Variants in MICU2 observed in about 807,000 individuals in gnomAD.
The protein encoded by MICU2 is calcium uptake protein 2, mitochondrial.
In MICU2, 64 loss-of-function variants were observed where a neutral mutation model predicts 60.4. The ratio of observed to expected loss-of-function variants is 1.06; its 90% confidence interval spans 0.87 to 1.31. MICU2 has a LOEUF of 1.31. Among genes scored for constraint, MICU2 ranks in the 50% most tolerant of loss-of-function variants. MICU2 has a pLI of 0.00. For synonymous variants in MICU2, 201 were observed against 175.0 expected (o/e 1.15, Z -1.17); for missense variants, 569 against 531.0 (o/e 1.07, Z -0.70).
chr13:21,524,383 C>T (rs967315801), intron 4 of MICU2, among the ~76,000 whole-genome samples: 1 of 152,062 alleles, frequency 6.6e-6, no homozygotes, highest in Non-Finnish European at 1.5e-5. Context: ...CCCACATATA[C>T]ATATCATTTC....
At chr13:21,526,884 A>G (rs953110702) in intron 4 of MICU2, among the ~76,000 whole-genome samples, 3 of 152,146 alleles carry the variant, frequency 2.0e-5, no homozygotes, top group African/African-American at 7.2e-5. Context: ...GTGGGAATGT[A>G]TTTACCCTTC....
chr13:21,546,514 A>G (rs988503559), intron 2 of MICU2, among the ~76,000 whole-genome samples: 25 of 152,184 alleles, frequency 1.6e-4, no homozygotes, highest in Non-Finnish European at 3.4e-4. Context: ...AGTGAGGTTA[A>G]AAGTATTACA....
chr13:21,507,893 C>T (rs984228910), intron 8 of MICU2, among the ~76,000 whole-genome samples: 22 of 151,986 alleles, frequency 1.4e-4, no homozygotes, highest in African/African-American at 4.3e-4. Context: ...TGAGCCACCG[C>T]GCCCGGCCAG....
intron 4 of MICU2, among the ~76,000 whole-genome samples, chr13:21,537,464 T>A (rs948725973): frequency 1.1e-5 from 1 of 91,928 alleles, no homozygotes; most frequent in Non-Finnish European, 2.0e-5. Flanking sequence ...ACATTTTCTT[T>A]CTTTCTTTTT....
At chr13:21,509,941 TC>T in intron 8 of MICU2, 62 bp downstream of exon 8, 1 of 906,270 alleles carries the variant, frequency 1.1e-6, no homozygotes, top group South Asian at 1.8e-5. Context: ...ATGAATATAT[TC>T]TGTTTCTCTT....
At chr13:21,521,660 T>G (rs1044323461) in intron 5 of MICU2, among the ~76,000 whole-genome samples, 11 of 152,244 alleles carry the variant, frequency 7.2e-5, no homozygotes, top group African/African-American at 2.7e-4. Flanking sequence ...ATTTTCAAAT[T>G]AATGATTACT....
intron 1 of MICU2, among the ~76,000 whole-genome samples, chr13:21,593,392 T>C (rs1239635329): frequency 2.0e-5 from 3 of 151,994 alleles, no homozygotes; most frequent in South Asian, 4.1e-4. Context: ...AAACATTCCT[T>C]GCTCATGGAT....
intron 2 of MICU2, among the ~76,000 whole-genome samples, chr13:21,564,282 G>T (rs1887922113): frequency 1.3e-5 from 2 of 152,188 alleles, no homozygotes; most frequent in South Asian, 4.1e-4. Context: ...AGGTAGATTG[G>T]CCTTTTATGT....
intron 4 of MICU2, among the ~76,000 whole-genome samples, chr13:21,538,324 C>T (rs1887184560): frequency 6.6e-6 from 1 of 151,744 alleles, no homozygotes; most frequent in Admixed American, 6.6e-5. Flanking sequence ...AATCCCATTA[C>T]TTTCAATGGC....
At chr13:21,554,538 T>C (rs923388456) in intron 2 of MICU2, among the ~76,000 whole-genome samples, 1 of 151,884 alleles carries the variant, frequency 6.6e-6, no homozygotes, top group Non-Finnish European at 1.5e-5. Context: ...AAGCAGTGTG[T>C]AGAGGGAAAT....
At chr13:21,513,024 C>G (rs1403098486) in intron 7 of MICU2, among the ~76,000 whole-genome samples, 2 of 151,844 alleles carry the variant, frequency 1.3e-5, no homozygotes, top group African/African-American at 4.8e-5. Flanking sequence ...TTTTTGTGTC[C>G]CTGGTGTTCA....
chr13:21,501,953 G>A (rs1351932421), intron 9 of MICU2, among the ~76,000 whole-genome samples: 5 of 152,178 alleles, frequency 3.3e-5, no homozygotes, highest in Admixed American at 6.5e-5. Flanking sequence ...GAAACTCAGT[G>A]TCAGACAGGG....
intron 1 of MICU2, among the ~76,000 whole-genome samples, chr13:21,582,625 C>T (rs1026514063): frequency 6.6e-6 from 1 of 152,074 alleles, no homozygotes; most frequent in Admixed American, 6.5e-5. Flanking sequence ...CAACCTTTTT[C>T]GATTACCTGC....
chr13:21,516,820 A>G (rs1020151092), intron 6 of MICU2, among the ~76,000 whole-genome samples: 3 of 152,186 alleles, frequency 2.0e-5, no homozygotes, highest in African/African-American at 7.2e-5. Context: ...GTATGATAAA[A>G]CTATAATGCT....
chr13:21,506,998 AT>A (rs1292499037), intron 8 of MICU2, among the ~76,000 whole-genome samples: 1 of 152,162 alleles, frequency 6.6e-6, no homozygotes, highest in Non-Finnish European at 1.5e-5. Flanking sequence ...ATTAGAAGCC[AT>A]TTTCTGTTAT....
chr13:21,512,899 G>A (rs142941074), intron 7 of MICU2, among the ~76,000 whole-genome samples: 1 of 152,106 alleles, frequency 6.6e-6, no homozygotes, highest in Non-Finnish European at 1.5e-5. Flanking sequence ...TATATGTGGT[G>A]TGAGACAGGA....
At chr13:21,593,966 C>T (rs1220146803) in intron 1 of MICU2, among the ~76,000 whole-genome samples, 1 of 152,192 alleles carries the variant, frequency 6.6e-6, no homozygotes, top group Admixed American at 6.5e-5. Context: ...AGGACACAGG[C>T]ATGGGCAAAG....
chr13:21,596,511 C>A (rs1888695564), intron 1 of MICU2, among the ~76,000 whole-genome samples: 1 of 151,934 alleles, frequency 6.6e-6, no homozygotes, highest in South Asian at 2.1e-4. Flanking sequence ...GCAACCTCCG[C>A]CTCCGGGGTT....
chr13:21,519,269 G>A (rs1886657326), intron 6 of MICU2, among the ~76,000 whole-genome samples: 2 of 152,012 alleles, frequency 1.3e-5, no homozygotes, highest in African/African-American at 2.4e-5. Context: ...TGTTGGTCAC[G>A]CTGGTCTCAA....
Sources: allele counts gnomAD v4.1 joint callset (sites outside exome capture counted in the v4.1 genomes callset), GRCh38; gene constraint gnomAD v4.1.1; transcripts MANE v1.5; gene names NCBI Gene and HGNC (gene_info 2026-07-23, HGNC 2026-07-21).